PAX8: variants seen among roughly 807,000 people sequenced by gnomAD.
PAX8 encodes the protein paired box 8, also known as paired box protein Pax-8.
In PAX8, 15 loss-of-function variants were observed where a neutral mutation model predicts 52.4. That is an observed-to-expected ratio of 0.29 (90% CI 0.19 to 0.44). PAX8 has a LOEUF of 0.44. PAX8 is among the 20% of genes least tolerant of loss of function. PAX8 has a pLI of 1.00. For synonymous variants in PAX8, 284 were observed against 249.7 expected, an observed-to-expected ratio of 1.14 and a Z score of -1.29; for missense variants, 554 against 602.5, an observed-to-expected ratio of 0.92 and a Z score of 0.84.
chr2:113,242,712 G>T lies in PAX8; in HGVS notation c.456C>A (p.Ser152=). ...CACTCAGCGTGTGTCCGGGACTCAG[G>T]GACTTGGTGGCCACGCAGCTGTCCA... ...LPMDSCVATK[S]LSPGHTLIPS... is the part of the protein sequence containing the mutation. Residue 152 remains serine (S), a synonymous_variant, in exon 5 of 12, where the codon TCC becomes TCA. Coordinates refer to ENST00000429538, the MANE Select transcript of PAX8 (RefSeq NM_003466.4). 1 of 1,613,678 alleles carries T rather than the reference G, an allele frequency of 6.2e-7. No individual in the cohort carries two copies. Among genetic ancestry groups the T allele is most frequent in the Non-Finnish European group, 8.5e-7 (1 of 1,179,640 alleles).
rs1221774405 is a variant in PAX8, at chr2:113,218,507, A to T, written c.*26T>A. 1 of 1,445,608 alleles carries T rather than the reference A, an allele frequency of 6.9e-7. No homozygotes were observed. The highest frequency in any genetic ancestry group is 9.4e-7 in the Non-Finnish European group (1 of 1,064,876). 89.5% of individuals were successfully genotyped at this position (1,445,608 alleles called of 1,614,324 possible). A position where few individuals can be genotyped will look rare whatever the true frequency, so the allele number is the denominator to read the frequency against. ...CCCAGGCTGAGTCCTCCTGTTGCTC[A>T]GTCGCTCCCACTGTCCCCATGGCAA... On this transcript the variant is annotated 3_prime_UTR_variant, in exon 12 of 12. Transcript: ENST00000429538.
At chr2:113,221,691 G>A (rs1255705574) in intron 10 of PAX8, among the ~76,000 whole-genome samples, 1 of 152,176 alleles carries the variant, frequency 6.6e-6, no homozygotes, top group Non-Finnish European at 1.5e-5. Flanking sequence ...CTCAATGGAG[G>A]CTTAAATCAG....
rs1367898222 is a variant in PAX8 at position 113,218,578 on chromosome 2, C to A, written c.1308G>T (p.Arg436Ser). 1.3e-6 allele frequency: 2 copies of A among 1,559,728 alleles called. No homozygotes were observed. Among genetic ancestry groups the A allele is most frequent in the Non-Finnish European group, 1.7e-6 (2 of 1,151,618 alleles). Residue 436 changes from arginine (R) to serine (S), a missense_variant, in exon 12 of 12, where the codon AGG becomes AGT. Physicochemically the swap from Arg to Ser is moderately radical, Grantham distance 110. This residue lies in a region of PAX8 where 445 missense variants were observed against 409.9 expected (regional missense o/e 1.09). Coordinates refer to ENST00000429538, the MANE Select transcript of PAX8 (RefSeq NM_003466.4). ...TGGCAGTGGTGGGCGGTGCACTCGG[C>A]CTTGATGTGGAACTGTAATAATATG... ...SSPYYYSSTS[R>S]PSAPPTTATA...
At chr2:113,267,380 C>G (rs1245985345) in intron 2 of PAX8, 1 of 152,208 alleles carries the variant, frequency 6.6e-6, no homozygotes, top group East Asian at 1.9e-4. Flanking sequence ...CTGGCTGCCC[C>G]TGGATCTTAT....
Position 113,217,025 on chromosome 2 carries a change from C to G in PAX8, c.*1508G>C, listed in dbSNP as rs1055373186. The G allele has an allele frequency of 1.3e-5, 3 of 231,398 alleles. No individual in the cohort carries two copies. The highest frequency in any genetic ancestry group is 6.6e-5 in the African/African-American group (3 of 45,242). 14.3% of individuals were successfully genotyped at this position (231,398 alleles called of 1,614,324 possible). On this transcript the variant is annotated 3_prime_UTR_variant, in exon 12 of 12. Transcript: ENST00000429538. ...CAGAGCTGTTTATGCAGGCTCCAGT[C>G]ACAGCTATTCCCGGATCCCTCACTA...
chr2:113,247,002 T>G, intron 2 of PAX8, 83 bp from the exon 3 acceptor site: 3 of 933,286 alleles, frequency 3.2e-6, no homozygotes, highest in Middle Eastern at 2.2e-4. Flanking sequence ...CAGGTGCTGG[T>G]GTGTGTGTGT....
At chr2:113,241,376 T>C (rs764649148) in intron 7 of PAX8, 175 bp downstream of exon 7, 50 of 720,090 alleles carry the variant, frequency 6.9e-5, no homozygotes, top group African/African-American at 3.5e-5. Context: ...GGGAGGAAGA[T>C]GCCAGGGCAT....
At position 113,242,129 on chromosome 2, in the gene PAX8, G is replaced by T. The variant is rs2104487598; in HGVS notation, c.480C>A (p.Ile160=). 1.2e-6 allele frequency: 2 copies of T among 1,611,400 alleles called. No individual in the cohort carries two copies. The highest frequency in any genetic ancestry group is 1.7e-6 in the Non-Finnish European group (2 of 1,178,110). ...TKSLSPGHTL[I]PSSAVTPPES... ...CCGGGGGAGTTACAGCTGAGCTGGGGACTGCAGTGGGGGAGAGGGAGAGGG... is the reference window on the plus strand; with the variant it reads ...CCGGGGGAGTTACAGCTGAGCTGGGTACTGCAGTGGGGGAGAGGGAGAGGG... Residue 160 remains isoleucine (I), a splice_region_variant and synonymous_variant, in exon 6 of 12, where the codon ATC becomes ATA. Transcript: ENST00000429538.
chr2:113,257,557 T>C (rs1156398299), intron 2 of PAX8, among the ~76,000 whole-genome samples: 1 of 152,210 alleles, frequency 6.6e-6, no homozygotes, highest in Admixed American at 6.5e-5. Flanking sequence ...AGCATTATTA[T>C]TTCATCCCCA....
intron 8 of PAX8, 159 bp from the exon 9 acceptor site, chr2:113,235,741 C>T (rs2104457410): frequency 1.7e-6 from 1 of 596,340 alleles, no homozygotes; most frequent in Non-Finnish European, 2.9e-6. Flanking sequence ...GCCCACGAGG[C>T]GTGGCAAGGC....
intron 2 of PAX8, among the ~76,000 whole-genome samples, chr2:113,264,475 A>G (rs1277320258): frequency 6.6e-6 from 1 of 152,224 alleles, no homozygotes; most frequent in Non-Finnish European, 1.5e-5. Flanking sequence ...CATGTACAAA[A>G]CTCAAATGTG....
chr2:113,227,108 A>G (rs1573413379), intron 10 of PAX8, 47 bp downstream of exon 10: 1 of 1,545,792 alleles, frequency 6.5e-7, no homozygotes, highest in Non-Finnish European at 8.7e-7. Context: ...CCTTGCTCCA[A>G]TACTTCCTCT....
Position 113,235,476 on chromosome 2 carries a change from G to T in PAX8, c.1005C>A (p.Val335=). Residue 335 remains valine, a synonymous_variant, in exon 9 of 12, where the codon GTC becomes GTA. Transcript: ENST00000429538. ...CATTGAAGGGCGGGACCCCGGAGCC[G>T]ACTTGCTGCAGATCCAAAAAGGCGG... ...SSSAFLDLQQ[V]GSGVPPFNAF... The T allele has an allele frequency of 6.2e-7, 1 of 1,613,502 alleles. No individual in the cohort carries two copies. The highest frequency in any genetic ancestry group is 8.5e-7 in the Non-Finnish European group (1 of 1,179,688).
At chr2:113,235,054 T>C (rs1690161020) in intron 9 of PAX8, among the ~76,000 whole-genome samples, 1 of 152,220 alleles carries the variant, frequency 6.6e-6, no homozygotes, top group Non-Finnish European at 1.5e-5. Flanking sequence ...CAATTCCTTT[T>C]TCCCTCCAAA....
At chr2:113,275,269 G>A (rs981571927) in intron 2 of PAX8, 1 of 152,202 alleles carries the variant, frequency 6.6e-6, no homozygotes, top group African/African-American at 2.4e-5. Context: ...TCACAAGGTA[G>A]CTAAATTATC....
intron 8 of PAX8, 143 bp downstream of exon 8, chr2:113,236,458 C>T (rs1308880122): frequency 2.4e-6 from 2 of 846,984 alleles, no homozygotes; most frequent in Non-Finnish European, 1.8e-6. Flanking sequence ...ACCGGAGGCG[C>T]GACCCCTGGG....
chr2:113,275,333 T>G (rs975604621), intron 2 of PAX8: 1 of 152,236 alleles, frequency 6.6e-6, no homozygotes, highest in African/African-American at 2.4e-5. Context: ...GAAACAAAGA[T>G]GAATTGATGA....
intron 4 of PAX8, among the ~76,000 whole-genome samples, 161 bp from the exon 5 acceptor site, chr2:113,242,939 A>G (rs1423900669): frequency 3.3e-5 from 5 of 152,178 alleles, no homozygotes; most frequent in African/African-American, 1.2e-4. Flanking sequence ...CCGCATGCCT[A>G]GTCCTCCTCA....
chr2:113,226,207 G>C, intron 10 of PAX8: 2 of 985,446 alleles, frequency 2.0e-6, no homozygotes, highest in South Asian at 4.7e-5. Flanking sequence ...CGGCAAGGAA[G>C]GGAAGCAGGC....
Sources: allele counts gnomAD v4.1 joint callset (sites outside exome capture counted in the v4.1 genomes callset), GRCh38; gene constraint gnomAD v4.1.1; regional missense constraint gnomAD v4.1.1; transcripts MANE v1.5; gene names NCBI Gene and HGNC (gene_info 2026-07-23, HGNC 2026-07-21).